The following DMXL1 variants were observed in gnomAD, a reference collection of about 807,000 sequenced individuals.
The protein encoded by DMXL1 is Dmx like 1, also known as dmX-like protein 1.
DMXL1 carries 99 observed loss-of-function variants against 319.2 expected under a neutral mutation model. The observed-to-expected ratio is 0.31, with a 90% CI of 0.26 to 0.37. DMXL1 has a LOEUF of 0.37. DMXL1 is among the 10% of genes least tolerant of loss of function. DMXL1 has a pLI of 1.00. For synonymous variants in DMXL1, 1,385 were observed against 1,235.2 expected (o/e 1.12, Z -2.54); for missense variants, 3,745 against 3,595.6 (o/e 1.04, Z -1.06).
intron 1 of DMXL1, among the ~76,000 whole-genome samples, chr5:119,078,340 A>T (rs1751454689): frequency 6.6e-6 from 1 of 152,134 alleles, no homozygotes; most frequent in African/African-American, 2.4e-5. Flanking sequence ...GAAACTGGAG[A>T]TTTAGTATGC....
At chr5:119,096,175 TA>T (rs1239210407) in intron 1 of DMXL1, among the ~76,000 whole-genome samples, 2 of 129,708 alleles carry the variant, frequency 1.5e-5, no homozygotes, top group Non-Finnish European at 1.6e-5. Context: ...ATATGAAGTA[TA>T]ATTTTTTTTT....
intron 34 of DMXL1, among the ~76,000 whole-genome samples, chr5:119,216,094 CAAAAAAA>C (rs773591355): frequency 1.3e-4 from 5 of 37,362 alleles, no homozygotes; most frequent in Admixed American, 1.0e-3. Context: ...GCATCCATCT[CAAAAAAA>C]AAAAAAAAAA....
chr5:119,175,354 G>A lies in DMXL1; in HGVS notation c.6758+17G>A. The A allele has an allele frequency of 6.4e-7, 1 of 1,564,918 alleles. No homozygotes were observed. On this transcript the variant is annotated intron_variant, in intron 26 of 43. Coordinates refer to ENST00000539542, the MANE Select transcript of DMXL1 (RefSeq NM_001290321.3). ...TAACTACAGGTAACTATCTTTTTATGAAATTTAAGAATGCTTACAGTAAGC... is the reference window on the plus strand; with the variant it reads ...TAACTACAGGTAACTATCTTTTTATAAAATTTAAGAATGCTTACAGTAAGC...
intron 1 of DMXL1, among the ~76,000 whole-genome samples, chr5:119,090,303 G>T: frequency 6.6e-6 from 1 of 151,830 alleles, no homozygotes; most frequent in South Asian, 2.1e-4. Context: ...TTACAGGTGT[G>T]AGCCACTGTG....
chr5:119,074,242 T>C (rs1750314876), intron 1 of DMXL1, among the ~76,000 whole-genome samples: 1 of 152,194 alleles, frequency 6.6e-6, no homozygotes, highest in Non-Finnish European at 1.5e-5. Context: ...TTAACCTTTT[T>C]TGATTTTGAC....
intron 42 of DMXL1, among the ~76,000 whole-genome samples, chr5:119,241,111 CAT>C (rs1257127877): frequency 6.6e-6 from 1 of 151,994 alleles, no homozygotes; most frequent in Non-Finnish European, 1.5e-5. Flanking sequence ...TCAATTAACA[CAT>C]ATTTTGTATA....
intron 19 of DMXL1, among the ~76,000 whole-genome samples, chr5:119,158,094 G>A (rs1331067445): frequency 2.6e-5 from 4 of 151,408 alleles, no homozygotes; most frequent in Non-Finnish European, 4.4e-5. Flanking sequence ...GTCTTGCTGT[G>A]TTGCCCAGGC....
At chr5:119,073,588 A>G (rs1021032543) in intron 1 of DMXL1, among the ~76,000 whole-genome samples, 2 of 152,226 alleles carry the variant, frequency 1.3e-5, no homozygotes, top group African/African-American at 4.8e-5. Flanking sequence ...GTTCTGCTGA[A>G]TTTTAAAGTT....
In DMXL1 at chr5:119,133,895, C is replaced by G. The variant is rs1445125405; in HGVS notation, c.1971C>G (p.His657Gln). Residue 657 changes from histidine (H) to glutamine (Q), a missense_variant, in exon 12 of 44, where the codon CAC becomes CAG. His to Gln is a conservative substitution (Grantham distance 24). Around this residue, in one of 4 missense-constraint regions of DMXL1, gnomAD observed 2,096 missense variants for 1,985.4 expected, o/e 1.06. Transcript: ENST00000539542. ...TACCATTATTGCTGACAACATCACA[C>G]CATAATGCATTAAGGACACCAGATG... ...SVLPLLLTTS[H>Q]HNALRTPDVD... The G allele has an allele frequency of 6.2e-7, 1 of 1,613,994 alleles. No individual in the cohort carries two copies. The highest frequency in any genetic ancestry group is 8.5e-7 in the Non-Finnish European group (1 of 1,180,024).
intron 29 of DMXL1, among the ~76,000 whole-genome samples, 183 bp from the exon 30 acceptor site, chr5:119,193,645 G>T (rs1337365368): frequency 1.3e-5 from 2 of 152,116 alleles, no homozygotes; most frequent in Non-Finnish European, 2.9e-5. Context: ...TTTGCTGAAT[G>T]GATGAATAAA....
Position 119,247,276 on chromosome 5 carries a change from A to G in DMXL1, c.*57A>G. On this transcript the variant is annotated 3_prime_UTR_variant, in exon 44 of 44. Transcript: ENST00000539542. ...CTATATGGAAGTGGCCAACAGATAT[A>G]ATATACAGTGATCATTCTCTATGCC... The G allele has an allele frequency of 1.7e-6, 2 of 1,188,302 alleles. No homozygotes were observed. Among genetic ancestry groups the G allele is most frequent in the Non-Finnish European group, 2.4e-6 (2 of 828,286 alleles). 73.6% of individuals were successfully genotyped at this position (1,188,302 alleles called of 1,614,324 possible).
At chr5:119,090,059 C>T (rs62374133) in intron 1 of DMXL1, among the ~76,000 whole-genome samples, 45,673 of 110,178 alleles carry the variant, frequency 0.41, 10,231 homozygotes, top group East Asian at 0.95. Context: ...TCGCTCTTGT[C>T]GCCCATGCTG....
At chr5:119,184,650 T>G (rs1289931747) in intron 28 of DMXL1, among the ~76,000 whole-genome samples, 1 of 152,212 alleles carries the variant, frequency 6.6e-6, no homozygotes, top group Non-Finnish European at 1.5e-5. Context: ...TTCCCCCACT[T>G]CATACAATCC....
chr5:119,207,227 C>T (rs6896024), intron 34 of DMXL1, among the ~76,000 whole-genome samples: 135,305 of 152,154 alleles, frequency 0.89, 60,437 homozygotes, highest in East Asian at 0.99. Flanking sequence ...AATATCACTT[C>T]TGAAGTTAAA....
chr5:119,199,945 G>T (rs1405356133), intron 32 of DMXL1, among the ~76,000 whole-genome samples: 2 of 151,866 alleles, frequency 1.3e-5, no homozygotes, highest in Non-Finnish European at 2.9e-5. Context: ...TTTTTAAATT[G>T]GTTGAAGTTC....
chr5:119,223,380 C>G (rs1263059955), intron 37 of DMXL1, among the ~76,000 whole-genome samples: 2 of 152,026 alleles, frequency 1.3e-5, no homozygotes, highest in African/African-American at 4.8e-5. Flanking sequence ...TTTATATGCC[C>G]TGGAATCTAA....
At chr5:119,114,867 A>C (rs1388826589) in intron 6 of DMXL1, among the ~76,000 whole-genome samples, 1 of 152,056 alleles carries the variant, frequency 6.6e-6, no homozygotes, top group Non-Finnish European at 1.5e-5. Flanking sequence ...ACGGGATTTC[A>C]CCATATTGGC....
At chr5:119,074,838 C>T (rs1432545072) in intron 1 of DMXL1, among the ~76,000 whole-genome samples, 1 of 152,162 alleles carries the variant, frequency 6.6e-6, no homozygotes, top group African/African-American at 2.4e-5. Context: ...AGTGTTTAAA[C>T]CTAACAGTAA....
At position 119,123,385 on chromosome 5, in the gene DMXL1, G is replaced by GGGA. The variant is rs1383156268; in HGVS notation, c.1102+2247_1102+2248insGAG. Among the ~76,000 whole-genome samples the GGGA allele has an allele frequency of 2.3e-3, 81 of 34,622 alleles. 4 individuals carry two copies. Among genetic ancestry groups the GGGA allele is most frequent in the Admixed American group, 0.015 (44 of 2,990 alleles). 22.7% of individuals were successfully genotyped at this position (34,622 alleles called of 152,430 possible). On this transcript the variant is annotated intron_variant, in intron 9 of 43. Transcript: ENST00000539542. ...GAGAGGAGGGAGAGGGAGAGGGAGA[G>GGGA]GAGGGAGAGGAGGGGGAGGGAGAGG...
Sources: gnomAD v4.1 joint callset for allele counts (sites outside exome capture counted in the v4.1 genomes callset) on GRCh38, gnomAD v4.1.1 for gene constraint, gnomAD v4.1.1 regional missense constraint, MANE v1.5 for transcripts, NCBI Gene and HGNC (gene_info 2026-07-23, HGNC 2026-07-21) for gene names.